Variants in DOCK4 observed in about 807,000 individuals in gnomAD.
DOCK4 encodes the protein dedicator of cytokinesis 4.
Under a neutral mutation model 268.1 loss-of-function variants are expected in DOCK4, and 97 were observed. The ratio of observed to expected loss-of-function variants is 0.36; its 90% CI spans 0.31 to 0.43. The LOEUF is 0.43. Ranked by LOEUF, DOCK4 falls within the 20% of genes least tolerant of loss-of-function variation. DOCK4 has a pLI of 1.00. For missense variants in DOCK4, 2,145 were observed against 2,455.7 expected (o/e 0.87, Z 2.67); for synonymous variants, 954 against 887.2 (o/e 1.08, Z -1.34).
intron 12 of DOCK4, among the ~76,000 whole-genome samples, chr7:111,923,126 A>G (rs148753853): frequency 2.6e-5 from 4 of 152,354 alleles, no homozygotes; most frequent in African/African-American, 9.6e-5. Flanking sequence ...ATACAGTAAT[A>G]ACAATCATTT....
chr7:112,205,239 T>C (rs1821294471), intron 1 of DOCK4, among the ~76,000 whole-genome samples: 1 of 152,136 alleles, frequency 6.6e-6, no homozygotes, highest in Non-Finnish European at 1.5e-5. Flanking sequence ...CTGTTCCTTT[T>C]TCTCCGAACG....
At chr7:111,817,669 T>C (rs949098710) in intron 27 of DOCK4, among the ~76,000 whole-genome samples, 4 of 152,310 alleles carry the variant, frequency 2.6e-5, no homozygotes, top group Admixed American at 6.5e-5. Flanking sequence ...CCCAAGGACA[T>C]TGCTCTTTTA....
intron 1 of DOCK4, among the ~76,000 whole-genome samples, chr7:112,102,710 CT>C (rs1307703657): frequency 6.6e-6 from 1 of 152,196 alleles, no homozygotes; most frequent in Non-Finnish European, 1.5e-5. Flanking sequence ...TAATCTTGAA[CT>C]TCTCAGCCTC....
At chr7:111,800,942 G>A (rs1352305672) in intron 30 of DOCK4, among the ~76,000 whole-genome samples, 1 of 152,178 alleles carries the variant, frequency 6.6e-6, no homozygotes, top group East Asian at 1.9e-4. Flanking sequence ...TAGTGGTAAA[G>A]GTTCTCTGTG....
At chr7:112,158,046 T>C (rs1816781341) in intron 1 of DOCK4, among the ~76,000 whole-genome samples, 1 of 152,200 alleles carries the variant, frequency 6.6e-6, no homozygotes. Flanking sequence ...CTGACTATAA[T>C]AATACTGAAA....
chr7:111,810,430 C>T (rs1801029143), intron 28 of DOCK4, among the ~76,000 whole-genome samples: 1 of 149,006 alleles, frequency 6.7e-6, no homozygotes. Flanking sequence ...CCAGACTGGG[C>T]GACAGAGGGA....
intron 27 of DOCK4, among the ~76,000 whole-genome samples, chr7:111,816,408 C>A (rs1269099620): frequency 6.6e-6 from 1 of 152,142 alleles, no homozygotes; most frequent in Non-Finnish European, 1.5e-5. Flanking sequence ...AGATGAAATT[C>A]GTGGATAACC....
At chr7:112,073,978 C>A (rs775618972) in intron 1 of DOCK4, among the ~76,000 whole-genome samples, 1 of 151,978 alleles carries the variant, frequency 6.6e-6, no homozygotes, top group Non-Finnish European at 1.5e-5. Flanking sequence ...AATCTATACA[C>A]GAATCAAAAT....
intron 1 of DOCK4, among the ~76,000 whole-genome samples, chr7:112,171,503 G>C (rs1818080093): frequency 7.0e-6 from 1 of 143,708 alleles, no homozygotes; most frequent in Non-Finnish European, 1.5e-5. Context: ...TATAATATTT[G>C]ATCCATGGAA....
intron 1 of DOCK4, among the ~76,000 whole-genome samples, chr7:112,158,428 C>T (rs1816809353): frequency 6.6e-6 from 1 of 152,144 alleles, no homozygotes. Flanking sequence ...TTATACCTTT[C>T]TTTGGTTTTT....
chr7:112,085,533 T>C (rs1180727629), intron 1 of DOCK4, among the ~76,000 whole-genome samples: 1 of 152,160 alleles, frequency 6.6e-6, no homozygotes, highest in Non-Finnish European at 1.5e-5. Context: ...GTATCAAGCA[T>C]TTATCTTACC....
At chr7:111,899,319 G>A (rs1436237054) in intron 15 of DOCK4, among the ~76,000 whole-genome samples, 1 of 152,192 alleles carries the variant, frequency 6.6e-6, no homozygotes, top group Non-Finnish European at 1.5e-5. Flanking sequence ...CAGACTGGAA[G>A]AGAGCCTGCT....
chr7:111,868,264 T>G, intron 21 of DOCK4, 110 bp from the exon 22 acceptor site: 3 of 825,192 alleles, frequency 3.6e-6, no homozygotes, highest in Non-Finnish European at 3.6e-6. Flanking sequence ...ACATTATTCA[T>G]GTAGACACCA....
intron 1 of DOCK4, among the ~76,000 whole-genome samples, chr7:112,129,857 G>T (rs1477094070): frequency 6.6e-6 from 1 of 152,124 alleles, no homozygotes; most frequent in Middle Eastern, 3.2e-3. Context: ...ACAGAGACTA[G>T]ATCTCATGCC....
chr7:112,002,586 A>C (rs2135306660), intron 2 of DOCK4, among the ~76,000 whole-genome samples: 1 of 152,316 alleles, frequency 6.6e-6, no homozygotes, highest in East Asian at 1.9e-4. Flanking sequence ...GGTCTAACTA[A>C]ATGTCGTAGT....
At chr7:111,820,768 G>A (rs1423192792) in intron 27 of DOCK4, 1 of 152,138 alleles carries the variant, frequency 6.6e-6, no homozygotes, top group Non-Finnish European at 1.5e-5. Flanking sequence ...ATATTCCTCT[G>A]CACATGAGTC....
chr7:111,910,511 G>A (rs1792006523), intron 13 of DOCK4, among the ~76,000 whole-genome samples: 1 of 152,222 alleles, frequency 6.6e-6, no homozygotes, highest in South Asian at 2.1e-4. Flanking sequence ...TAACTCATCA[G>A]TAGTTTTTCA....
intron 1 of DOCK4, among the ~76,000 whole-genome samples, chr7:112,083,452 G>T (rs1808778317): frequency 6.6e-6 from 1 of 151,964 alleles, no homozygotes; most frequent in African/African-American, 2.4e-5. Flanking sequence ...ATTAACCTCT[G>T]TTTCCTAGAA....
intron 1 of DOCK4, among the ~76,000 whole-genome samples, chr7:112,198,985 C>A (rs1161585365): frequency 1.3e-5 from 2 of 152,182 alleles, no homozygotes; most frequent in Non-Finnish European, 2.9e-5. Flanking sequence ...CAACTCTGTG[C>A]ATAAAGTGTT....
Sources: gnomAD v4.1 joint callset for allele counts (sites outside exome capture counted in the v4.1 genomes callset) on GRCh38, gnomAD v4.1.1 for gene constraint, MANE v1.5 for transcripts, NCBI Gene and HGNC (gene_info 2026-07-23, HGNC 2026-07-21) for gene names.